Variants in ERG observed in about 807,000 individuals in gnomAD.
The protein encoded by ERG is transcriptional regulator ERG.
Under a neutral mutation model 55.3 loss-of-function variants are expected in ERG, and 9 were observed. That is an observed-to-expected ratio of 0.16 (90% CI 0.10 to 0.28). The LOEUF is 0.28. Among genes scored for constraint, ERG ranks in the 10% least tolerant of loss-of-function variants. The pLI is 1.00. For synonymous variants in ERG, 223 were observed against 237.3 expected (o/e 0.94, Z 0.55); for missense variants, 434 against 631.6 (o/e 0.69, Z 3.35).
At chr21:38,474,054 T>A (rs1308793711) in intron 1 of ERG, 1 of 152,162 alleles carries the variant, frequency 6.6e-6, no homozygotes, top group Non-Finnish European at 1.5e-5. Context: ...AGCGTTTACT[T>A]CCCAGAAACA....
At chr21:38,528,695 G>A (rs1368453658) in intron 2 of ERG, among the ~76,000 whole-genome samples, 2 of 40,098 alleles carry the variant, frequency 5.0e-5, no homozygotes. Context: ...TGATCCACCC[G>A]CCTCGGCCTC....
At chr21:38,541,343 C>T (rs1175286521) in intron 2 of ERG, among the ~76,000 whole-genome samples, 2 of 152,154 alleles carry the variant, frequency 1.3e-5, no homozygotes, top group African/African-American at 2.4e-5. Flanking sequence ...CAGATAAATT[C>T]GGAGTACAAA....
At chr21:38,604,691 G>A (rs2060186289) in intron 1 of ERG, among the ~76,000 whole-genome samples, 1 of 152,168 alleles carries the variant, frequency 6.6e-6, no homozygotes, top group African/African-American at 2.4e-5. Flanking sequence ...TACATTGTTA[G>A]TATTACTGAT....
chr21:38,440,749 AT>A (rs2058833282), intron 2 of ERG, among the ~76,000 whole-genome samples: 1 of 138,788 alleles, frequency 7.2e-6, no homozygotes, highest in Admixed American at 8.2e-5. Context: ...AGATTGTGCC[AT>A]TGCATTCCAG....
intron 1 of ERG, among the ~76,000 whole-genome samples, chr21:38,462,489 T>C (rs2146599343): frequency 6.6e-6 from 1 of 152,310 alleles, no homozygotes; most frequent in African/African-American, 2.4e-5. Flanking sequence ...CTGTACTTAC[T>C]GAAGTAACCC....
chr21:38,591,986 A>C (rs1410455613), intron 1 of ERG, among the ~76,000 whole-genome samples: 2 of 152,234 alleles, frequency 1.3e-5, no homozygotes, highest in Non-Finnish European at 2.9e-5. Context: ...TTCTAGAGCC[A>C]GGGCACTTAA....
At chr21:38,486,307 A>G (rs181911881) in intron 1 of ERG, among the ~76,000 whole-genome samples, 2 of 152,278 alleles carry the variant, frequency 1.3e-5, no homozygotes, top group East Asian at 3.9e-4. Context: ...ACAATTGCCT[A>G]CAGTATTCAG....
the ERG span, among the ~76,000 whole-genome samples, chr21:38,371,333 A>G: frequency 6.6e-6 from 1 of 152,046 alleles, no homozygotes; most frequent in Non-Finnish European, 1.5e-5. Context: ...CATATTTTCT[A>G]TGAATAATAA....
chr21:38,607,101 A>G (rs1211538919), intron 1 of ERG, among the ~76,000 whole-genome samples: 2 of 152,246 alleles, frequency 1.3e-5, no homozygotes, highest in Non-Finnish European at 2.9e-5. Context: ...ATTTCTCATC[A>G]GCAACAACAG....
chr21:38,534,031 TAA>T (rs1435214662), intron 2 of ERG, among the ~76,000 whole-genome samples: 2 of 152,136 alleles, frequency 1.3e-5, no homozygotes, highest in Non-Finnish European at 2.9e-5. Flanking sequence ...TCACTTATAC[TAA>T]ACACTTCACT....
At chr21:38,379,477 T>C (rs1197862572), downstream of ERG, among the ~76,000 whole-genome samples, 1 of 152,146 alleles carries the variant, frequency 6.6e-6, no homozygotes, top group Non-Finnish European at 1.5e-5. Flanking sequence ...AAACATGCCA[T>C]GTGGCTACAG....
At chr21:38,499,861 AAAGG>A (rs1219292429), upstream of ERG, among the ~76,000 whole-genome samples, 1 of 143,874 alleles carries the variant, frequency 7.0e-6, no homozygotes, top group Non-Finnish European at 1.5e-5. Flanking sequence ...AAGGAAGGAG[AAAGG>A]GAGGGAGGGA....
At chr21:38,402,348 A>G (rs768168005) in intron 5 of ERG, among the ~76,000 whole-genome samples, 3 of 152,122 alleles carry the variant, frequency 2.0e-5, no homozygotes, top group Non-Finnish European at 2.9e-5. Flanking sequence ...TTTGATAATC[A>G]AAGTGGGGTG....
At chr21:38,391,585 G>A (rs1489646126) in intron 8 of ERG, 74 bp downstream of exon 8, 14 of 1,228,266 alleles carry the variant, frequency 1.1e-5, no homozygotes, top group Non-Finnish European at 1.3e-5. Context: ...CCATTAAAAA[G>A]TGAAGCATTT....
chr21:38,639,256 C>T (rs2060408957), intron 1 of ERG, among the ~76,000 whole-genome samples: 1 of 152,088 alleles, frequency 6.6e-6, no homozygotes, highest in Non-Finnish European at 1.5e-5. Context: ...TAGTGAAGAG[C>T]ATCCAAGGTC....
At chr21:38,440,007 G>C (rs2058825158) in intron 2 of ERG, among the ~76,000 whole-genome samples, 1 of 152,150 alleles carries the variant, frequency 6.6e-6, no homozygotes, top group African/African-American at 2.4e-5. Context: ...CTAAGCTGCA[G>C]AGAGTGCACT....
intron 1 of ERG, among the ~76,000 whole-genome samples, chr21:38,601,730 A>T (rs1332840151): frequency 6.6e-6 from 1 of 152,208 alleles, no homozygotes; most frequent in Non-Finnish European, 1.5e-5. Flanking sequence ...TAGAGAGGAT[A>T]ACAGTTTTCT....
Position 38,381,438 on chromosome 21 carries a change from C to T in ERG, c.*1965G>A. The T allele has an allele frequency of 9.4e-7, 1 of 1,063,024 alleles. No individual in the cohort carries two copies. Among genetic ancestry groups the T allele is most frequent in the Non-Finnish European group, 1.1e-6 (1 of 877,846 alleles). The allele number at this position is 1,063,024 out of a possible 1,614,324, so 65.8% of individuals were successfully genotyped here. A position where few individuals can be genotyped will look rare whatever the true frequency, so the allele number is the denominator to read the frequency against. The stretch of plus-strand genomic sequence containing the variant: ...GTCTTCAAGGGATAGCCAGCAACAT[C>T]AGGCTCAGGGCTAGTGAATCCCAAG... On this transcript the variant is annotated 3_prime_UTR_variant, in exon 10 of 10. Coordinates refer to ENST00000288319, the MANE Select transcript of ERG (RefSeq NM_182918.4).
intron 1 of ERG, among the ~76,000 whole-genome samples, chr21:38,463,041 C>A (rs1343956175): frequency 6.6e-6 from 1 of 152,220 alleles, no homozygotes; most frequent in African/African-American, 2.4e-5. Context: ...CCCTGCCTAT[C>A]TCCCAGTGTG....
Sources: allele counts gnomAD v4.1 joint callset (sites outside exome capture counted in the v4.1 genomes callset), GRCh38; gene constraint gnomAD v4.1.1; transcripts MANE v1.5; gene names NCBI Gene and HGNC (gene_info 2026-07-23, HGNC 2026-07-21).